The following PLPPR1 variants were observed in gnomAD, a reference collection of about 807,000 sequenced individuals.
The protein encoded by PLPPR1 is phospholipid phosphatase-related protein type 1.
Under a neutral mutation model 33.1 loss-of-function variants are expected in PLPPR1, and 10 were observed. The observed-to-expected ratio is 0.30, with a 90% CI of 0.19 to 0.51. The LOEUF (loss-of-function observed/expected upper bound fraction) is 0.51, where lower values mean the gene tolerates loss of function less well. Ranked by LOEUF, PLPPR1 falls within the 20% of genes least tolerant of loss-of-function variation. The probability of loss-of-function intolerance (pLI) is 0.97; values close to 1 mark genes in which losing one functional copy is unlikely to be tolerated. For synonymous variants in PLPPR1, 151 were observed against 151.0 expected, an observed-to-expected ratio of 1.00 and a Z score of 0.00; for missense variants, 304 against 408.1, an observed-to-expected ratio of 0.74 and a Z score of 2.20.
intron 2 of PLPPR1, among the ~76,000 whole-genome samples, chr9:101,219,945 G>T (rs901999989): frequency 1.3e-5 from 2 of 152,192 alleles, no homozygotes; most frequent in African/African-American, 4.8e-5. Flanking sequence ...CATCGTGCCA[G>T]TGTCCTTTTT....
intron 1 of PLPPR1, among the ~76,000 whole-genome samples, chr9:101,153,453 G>T (rs1159488974): frequency 6.6e-6 from 1 of 152,156 alleles, no homozygotes; most frequent in African/African-American, 2.4e-5. Flanking sequence ...GTGAGAGAGG[G>T]CATCCCTGTC....
At chr9:101,052,235 A>G (rs1830230658) in intron 1 of PLPPR1, among the ~76,000 whole-genome samples, 1 of 152,212 alleles carries the variant, frequency 6.6e-6, no homozygotes. Context: ...ATAAAAATAT[A>G]TCTGAACATA....
chr9:101,294,145 A>C (rs914121694), intron 4 of PLPPR1, among the ~76,000 whole-genome samples: 67 of 152,272 alleles, frequency 4.4e-4, no homozygotes, highest in African/African-American at 1.5e-3. Flanking sequence ...ACAGAAATAC[A>C]AACTATCATC....
chr9:101,296,599 C>G (rs564363879), intron 4 of PLPPR1, among the ~76,000 whole-genome samples: 9 of 152,258 alleles, frequency 5.9e-5, no homozygotes, highest in African/African-American at 2.2e-4. Flanking sequence ...CACATATACA[C>G]CATGGAATAC....
At chr9:101,319,223 C>G (rs137935749) in intron 7 of PLPPR1, among the ~76,000 whole-genome samples, 6,734 of 152,310 alleles carry the variant, frequency 0.044, 190 homozygotes, top group South Asian at 0.12. Flanking sequence ...TTCGCCCAGG[C>G]TGGAGTGCAG....
At chr9:101,071,319 T>C (rs1052282530) in intron 1 of PLPPR1, among the ~76,000 whole-genome samples, 2 of 151,170 alleles carry the variant, frequency 1.3e-5, no homozygotes, top group Non-Finnish European at 2.9e-5. Flanking sequence ...GAAGAACAGA[T>C]ATTTGGAGGG....
intron 1 of PLPPR1, among the ~76,000 whole-genome samples, chr9:101,086,764 G>A (rs1041460811): frequency 8.5e-5 from 13 of 152,078 alleles, no homozygotes; most frequent in Non-Finnish European, 1.9e-4. Flanking sequence ...CCATAAGCAG[G>A]TTCCCATACT....
At chr9:101,098,159 G>A (rs1449221364) in intron 1 of PLPPR1, among the ~76,000 whole-genome samples, 3 of 152,144 alleles carry the variant, frequency 2.0e-5, no homozygotes, top group South Asian at 4.1e-4. Flanking sequence ...AATGTAGCAG[G>A]AAATCTACTG....
At chr9:101,246,107 T>TAGATAG (rs1564015131) in intron 2 of PLPPR1, among the ~76,000 whole-genome samples, 6 of 98,320 alleles carry the variant, frequency 6.1e-5, no homozygotes, top group South Asian at 3.1e-4. Flanking sequence ...TATATATATA[T>TAGATAG]ATAGATAGAT....
At chr9:101,298,732 T>C (rs542619537) in intron 4 of PLPPR1, among the ~76,000 whole-genome samples, 8 of 151,834 alleles carry the variant, frequency 5.3e-5, no homozygotes, top group South Asian at 2.1e-4. Flanking sequence ...GTGAACCAAA[T>C]AGAAATGTGC....
At chr9:101,089,313 A>G (rs10819891) in intron 1 of PLPPR1, among the ~76,000 whole-genome samples, 3,848 of 152,226 alleles carry the variant, frequency 0.025, 84 homozygotes, top group East Asian at 0.081. Flanking sequence ...AGATAGATAG[A>G]TAGATAGATA....
intron 2 of PLPPR1, among the ~76,000 whole-genome samples, chr9:101,232,282 C>G (rs76028668): frequency 6.6e-6 from 1 of 151,958 alleles, no homozygotes; most frequent in South Asian, 2.1e-4. Context: ...CTCATCTGCT[C>G]TCCTGGTTCT....
At chr9:101,141,892 C>T (rs1199639742) in intron 1 of PLPPR1, among the ~76,000 whole-genome samples, 1 of 152,166 alleles carries the variant, frequency 6.6e-6, no homozygotes, top group East Asian at 1.9e-4. Context: ...TTGACTTTCT[C>T]TACTGCTGCT....
chr9:101,284,397 A>T (rs1015186482), intron 3 of PLPPR1, among the ~76,000 whole-genome samples: 10 of 152,224 alleles, frequency 6.6e-5, no homozygotes, highest in Non-Finnish European at 7.4e-5. Context: ...GTAGATGTGG[A>T]ATCTACAGAA....
chr9:101,057,584 C>A (rs750493074), intron 1 of PLPPR1, among the ~76,000 whole-genome samples: 2 of 152,042 alleles, frequency 1.3e-5, no homozygotes, highest in Non-Finnish European at 2.9e-5. Context: ...TTAGTGCTTA[C>A]TATGAGCCAG....
chr9:101,048,504 A>T (rs1209508310), intron 1 of PLPPR1, among the ~76,000 whole-genome samples: 1 of 152,222 alleles, frequency 6.6e-6, no homozygotes, highest in Non-Finnish European at 1.5e-5. Context: ...AGAATACACC[A>T]CTTTAGGTTG....
intron 2 of PLPPR1, among the ~76,000 whole-genome samples, chr9:101,267,919 C>T (rs901975090): frequency 1.3e-5 from 2 of 152,238 alleles, no homozygotes; most frequent in South Asian, 2.1e-4. Flanking sequence ...AGTCTCTATG[C>T]AGCCATAAAA....
At position 101,201,848 on chromosome 9, in the gene PLPPR1, G is replaced by A. The variant is rs75807331; in HGVS notation, c.63+16291G>A. 3.6e-3 allele frequency among the ~76,000 whole-genome samples: 553 copies of A among 152,270 alleles called. 6 individuals carry two copies. Among genetic ancestry groups the A allele is most frequent in the African/African-American group, 0.013 (539 of 41,552 alleles). On this transcript the variant is annotated intron_variant, in intron 2 of 7. Coordinates refer to ENST00000374874, the MANE Select transcript of PLPPR1 (RefSeq NM_207299.2). Reference sequence around the variant, plus strand: ...AGGATTCTGTGTGGTGAACGTCTGTGACCTGCAAACATGTGATTGACTTTG... The same window carrying A: ...AGGATTCTGTGTGGTGAACGTCTGTAACCTGCAAACATGTGATTGACTTTG...
chr9:101,131,875 A>T (rs1461123841), intron 1 of PLPPR1, among the ~76,000 whole-genome samples: 1 of 152,218 alleles, frequency 6.6e-6, no homozygotes, highest in Non-Finnish European at 1.5e-5. Flanking sequence ...GGTGCCAGTT[A>T]CTTAATCTTT....
Sources: gnomAD v4.1 joint callset for allele counts (sites outside exome capture counted in the v4.1 genomes callset) on GRCh38, gnomAD v4.1.1 for gene constraint, MANE v1.5 for transcripts, NCBI Gene and HGNC (gene_info 2026-07-23, HGNC 2026-07-21) for gene names.